The following GALK2 variants were observed in gnomAD, a reference collection of about 807,000 sequenced individuals.
GALK2 encodes the protein galactokinase 2, also known as N-acetylgalactosamine kinase.
A neutral mutation model predicts 52.4 loss-of-function variants in GALK2; 36 were observed. The ratio of observed to expected loss-of-function variants is 0.69; its 90% CI spans 0.53 to 0.91. The LOEUF (loss-of-function observed/expected upper bound fraction) is 0.91, where lower values mean the gene tolerates loss of function less well. Ranked by LOEUF, GALK2 falls within the 40% of genes least tolerant of loss-of-function variation. The pLI is 0.00. For missense variants in GALK2, 579 were observed against 559.1 expected (o/e 1.04, Z -0.36); for synonymous variants, 176 against 199.1 (o/e 0.88, Z 0.98).
chr15:49,244,575 G>A (rs999095126), intron 5 of GALK2, among the ~76,000 whole-genome samples: 1 of 152,044 alleles, frequency 6.6e-6, no homozygotes, highest in Non-Finnish European at 1.5e-5. Flanking sequence ...CAAATGTGAG[G>A]GTATAGTAAA....
At chr15:49,156,698 C>A in intron 1 of GALK2, 2 of 523,838 alleles carry the variant, frequency 3.8e-6, no homozygotes, top group South Asian at 2.9e-5. Flanking sequence ...TTTCAATAAT[C>A]ATAAACTTTA....
intron 8 of GALK2, among the ~76,000 whole-genome samples, chr15:49,307,564 T>C (rs558430651): frequency 6.6e-6 from 1 of 152,278 alleles, no homozygotes; most frequent in East Asian, 1.9e-4. Flanking sequence ...TGATGGGCTC[T>C]GTCTTGTAAT....
rs556851444 is a variant in GALK2 at position 49,347,899 on chromosome 15, G to A, written c.427-19592G>A. Among the ~76,000 whole-genome samples the A allele has an allele frequency of 4.6e-5, 7 of 151,828 alleles. No homozygotes were observed. In the East Asian group the frequency reaches 1.4e-3, roughly 30 times the overall value. On this transcript the variant is annotated intron_variant, in intron 3 of 3. Transcript: ENST00000558399. ...CTGGGCGTGGTGGCAGATGCCTGTA[G>A]TCCCAGCTACTCGGGAGGCTGAGGC...
At chr15:49,307,236 C>T (rs1404593399) in intron 8 of GALK2, among the ~76,000 whole-genome samples, 1 of 152,026 alleles carries the variant, frequency 6.6e-6, no homozygotes, top group Non-Finnish European at 1.5e-5. Context: ...AATGATGGTG[C>T]GGGGCAGGTA....
chr15:49,261,444 T>C (rs924216867), intron 5 of GALK2, among the ~76,000 whole-genome samples: 9 of 151,692 alleles, frequency 5.9e-5, no homozygotes, highest in Admixed American at 3.9e-4. Flanking sequence ...CTGAAGTTGC[T>C]TATCAGCTTA....
chr15:49,301,988 C>T (rs2035154598), intron 8 of GALK2, among the ~76,000 whole-genome samples: 2 of 152,180 alleles, frequency 1.3e-5, no homozygotes, highest in African/African-American at 4.8e-5. Context: ...TTTACACACA[C>T]CTTCTAATTT....
chr15:49,351,357 G>A (rs1376467382), intron 3 of GALK2, among the ~76,000 whole-genome samples: 1 of 152,182 alleles, frequency 6.6e-6, no homozygotes, highest in African/African-American at 2.4e-5. Context: ...ACGGAAAGAA[G>A]ATACGGCCAA....
chr15:49,279,027 A>G (rs1001609797), intron 5 of GALK2, among the ~76,000 whole-genome samples: 8 of 152,228 alleles, frequency 5.3e-5, no homozygotes, highest in Admixed American at 1.3e-4. Flanking sequence ...CTCACTCACT[A>G]TCATGAGAAC....
At chr15:49,283,767 T>C (rs1257740072) in intron 7 of GALK2, 49 bp downstream of exon 7, 1 of 1,583,652 alleles carries the variant, frequency 6.3e-7, no homozygotes, top group Non-Finnish European at 8.6e-7. Context: ...TTTTCTTGTC[T>C]TTATTTTCAT....
At chr15:49,190,819 C>G (rs2086674856) in intron 1 of GALK2, among the ~76,000 whole-genome samples, 1 of 152,150 alleles carries the variant, frequency 6.6e-6, no homozygotes, top group Non-Finnish European at 1.5e-5. Context: ...TCAGTTGTTT[C>G]TGTATGTCAC....
At chr15:49,220,435 A>G (rs1595719297) in intron 3 of GALK2, among the ~76,000 whole-genome samples, 1 of 151,952 alleles carries the variant, frequency 6.6e-6, no homozygotes, top group Non-Finnish European at 1.5e-5. Flanking sequence ...TTTATGGCTG[A>G]GTAGTATTCC....
At chr15:49,229,496 C>T (rs2090381297) in intron 3 of GALK2, among the ~76,000 whole-genome samples, 1 of 152,176 alleles carries the variant, frequency 6.6e-6, no homozygotes, top group African/African-American at 2.4e-5. Context: ...TGGAAGCTAG[C>T]TGTGGTAGTA....
rs2092246954 is a variant in GALK2 at position 49,263,904 on chromosome 15, C to G, written c.505-18083C>G. On this transcript the variant is annotated intron_variant, in intron 5 of 9. Coordinates refer to ENST00000560031, the MANE Select transcript of GALK2 (RefSeq NM_002044.4). ...AGAATGTTGAATATTGGCCCCCACT[C>G]TCTTCTGGCTTGTAGGGTTTCTGCC... 7.9e-5 allele frequency among the ~76,000 whole-genome samples: 12 copies of G among 151,924 alleles called. No homozygotes were observed. In the South Asian group the frequency reaches 2.5e-3, roughly 32 times the overall value.
chr15:49,300,155 T>A (rs190029005), intron 8 of GALK2, among the ~76,000 whole-genome samples: 1 of 152,250 alleles, frequency 6.6e-6, no homozygotes, highest in East Asian at 1.9e-4. Context: ...GACAGTTAAG[T>A]CATCTTGCTG....
intron 7 of GALK2, among the ~76,000 whole-genome samples, chr15:49,290,264 C>T (rs2033804518): frequency 6.6e-6 from 1 of 152,234 alleles, no homozygotes; most frequent in Non-Finnish European, 1.5e-5. Context: ...TTCTATTTGA[C>T]TCCCTCAATG....
intron 5 of GALK2, among the ~76,000 whole-genome samples, chr15:49,258,549 A>G (rs998117373): frequency 6.6e-6 from 1 of 152,096 alleles, no homozygotes; most frequent in Non-Finnish European, 1.5e-5. Context: ...TATTTTGCAG[A>G]GAAGGAAACT....
intron 5 of GALK2, among the ~76,000 whole-genome samples, chr15:49,246,092 T>C (rs150547441): frequency 3.8e-4 from 58 of 152,294 alleles, no homozygotes; most frequent in Non-Finnish European, 5.3e-4. Context: ...TCTATGAAGT[T>C]TGGGTATCAA....
chr15:49,260,679 C>A, intron 5 of GALK2, among the ~76,000 whole-genome samples: 1 of 150,432 alleles, frequency 6.6e-6, no homozygotes, highest in African/African-American at 2.4e-5. Context: ...AGGTTTTCTT[C>A]TAGGGTTTTT....
intron 5 of GALK2, among the ~76,000 whole-genome samples, chr15:49,242,139 T>C (rs2091125179): frequency 6.6e-6 from 1 of 152,184 alleles, no homozygotes; most frequent in Non-Finnish European, 1.5e-5. Context: ...AATATAAGAA[T>C]TCAAGGGACT....
Sources: gnomAD v4.1 joint callset for allele counts (sites outside exome capture counted in the v4.1 genomes callset) on GRCh38, gnomAD v4.1.1 for gene constraint, MANE v1.5 for transcripts, NCBI Gene and HGNC (gene_info 2026-07-23, HGNC 2026-07-21) for gene names.